ASIC2: variants seen among roughly 807,000 people sequenced by gnomAD.
ASIC2 encodes the protein acid sensing ion channel subunit 2.
ASIC2 carries 25 observed loss-of-function variants against 57.3 expected under a neutral mutation model. The ratio of observed to expected loss-of-function variants is 0.44; its 90% CI spans 0.32 to 0.61. The LOEUF is 0.61. Among genes scored for constraint, ASIC2 ranks in the 20% least tolerant of loss-of-function variants. The pLI is 0.06. For missense variants in ASIC2, 641 were observed against 738.1 expected, an observed-to-expected ratio of 0.87 and a Z score of 1.52; for synonymous variants, 319 against 307.5, an observed-to-expected ratio of 1.04 and a Z score of -0.39.
chr17:33,499,372 T>C (rs8081842), intron 1 of ASIC2, among the ~76,000 whole-genome samples: 29,167 of 152,208 alleles, frequency 0.19, 4,161 homozygotes, highest in African/African-American at 0.41. Context: ...TTTGCAGATG[T>C]AATTAGGTCA....
At chr17:33,517,825 T>A (rs1400594284) in intron 1 of ASIC2, among the ~76,000 whole-genome samples, 1 of 152,040 alleles carries the variant, frequency 6.6e-6, no homozygotes, top group Admixed American at 6.5e-5. Context: ...GTTGTGCACA[T>A]GTACCCTAAA....
chr17:33,731,839 A>G (rs8067181), intron 1 of ASIC2, among the ~76,000 whole-genome samples: 33,412 of 152,098 alleles, frequency 0.22, 5,457 homozygotes, highest in African/African-American at 0.47. Context: ...CCTCAGAGCA[A>G]AGACAGTGTT....
At chr17:33,682,277 G>A (rs1296273510) in intron 1 of ASIC2, among the ~76,000 whole-genome samples, 2 of 151,524 alleles carry the variant, frequency 1.3e-5, no homozygotes, top group Non-Finnish European at 2.9e-5. Flanking sequence ...ATGTTAGCCA[G>A]GATGGTCTCA....
intron 1 of ASIC2, among the ~76,000 whole-genome samples, chr17:33,117,413 G>A (rs1027009439): frequency 6.6e-6 from 1 of 151,436 alleles, no homozygotes; most frequent in Non-Finnish European, 1.5e-5. Flanking sequence ...TGACCTCAAG[G>A]GATCCATCTG....
chr17:33,146,106 G>T lies in ASIC2; in HGVS notation c.709-34039C>A, dbSNP rs369563625. The stretch of plus-strand genomic sequence containing the variant: ...AATATTCTTCAATGGCCCCAGGCAG[G>T]TGCTATATTTCATGACAGAGATGAG... On this transcript the variant is annotated intron_variant, in intron 1 of 9. Coordinates refer to ENST00000225823, the MANE Select transcript of ASIC2 (RefSeq NM_183377.2). Among the ~76,000 whole-genome samples, 5 of 152,338 alleles carry T rather than the reference G, an allele frequency of 3.3e-5. No individual in the cohort carries two copies. In the South Asian group the frequency reaches 1.0e-3, roughly 32 times the overall value.
At chr17:33,924,966 G>A (rs1234190485) in intron 1 of ASIC2, among the ~76,000 whole-genome samples, 7 of 152,198 alleles carry the variant, frequency 4.6e-5, no homozygotes, top group Admixed American at 4.6e-4. Context: ...GCAGTCAGAG[G>A]TCAGAGATCC....
chr17:33,112,088 A>G, intron 1 of ASIC2, 21 bp from the exon 2 acceptor site: 2 of 1,603,548 alleles, frequency 1.2e-6, no homozygotes, highest in Admixed American at 3.4e-5. Context: ...GAAGAGAGAG[A>G]GAGAGAGAAG....
In ASIC2 at chr17:33,908,623, T is replaced by C. The variant is rs536427700; in HGVS notation, c.555+247355A>G. 1.3e-4 allele frequency among the ~76,000 whole-genome samples: 20 copies of C among 152,340 alleles called. No individual in the cohort carries two copies. The South Asian group carries it at 4.1e-3, about 32-fold the overall frequency. ...ATCACTACATCTTTCCAACAGTTTC[T>C]GGCTTAATGAAGTCAGCTTACCTGA... On this transcript the variant is annotated intron_variant, in intron 1 of 9. Coordinates refer to the ASIC2 transcript ENST00000359872.
rs1342103916 is a variant in ASIC2 at position 33,293,021 on chromosome 17, T to A, written c.-906A>T. ...TCTCCAGAAAAGCCCAGCCTTGCTG[T>A]CTCTCGCGTCTTCTCTCTGCCCCCG... On this transcript the variant is annotated 5_prime_UTR_variant, in exon 1 of 10. Coordinates refer to ENST00000225823, the MANE Select transcript of ASIC2 (RefSeq NM_183377.2). 3 of 985,454 alleles carry A rather than the reference T, an allele frequency of 3.0e-6. No homozygotes were observed. The highest frequency in any genetic ancestry group is 3.5e-5 in the African/African-American group (2 of 57,246). The allele number at this position is 985,454 out of a possible 1,614,324, so 61.0% of individuals were successfully genotyped here.
At chr17:33,324,348 C>T (rs1906984576) in intron 1 of ASIC2, among the ~76,000 whole-genome samples, 1 of 152,148 alleles carries the variant, frequency 6.6e-6, no homozygotes, top group South Asian at 2.1e-4. Flanking sequence ...CAACTTGACT[C>T]TCTGCCCCTC....
chr17:33,086,156 A>G (rs2092133143), intron 3 of ASIC2, among the ~76,000 whole-genome samples: 1 of 152,146 alleles, frequency 6.6e-6, no homozygotes, highest in South Asian at 2.1e-4. Flanking sequence ...AATTTCTTCC[A>G]TCTTACTAAT....
chr17:34,109,667 C>T (rs137919572), intron 1 of ASIC2, among the ~76,000 whole-genome samples: 294 of 152,296 alleles, frequency 1.9e-3, no homozygotes, highest in African/African-American at 2.6e-3. Flanking sequence ...AGCTTTTAAA[C>T]GGAGTCTCAC....
At chr17:33,143,090 T>G (rs975413120) in intron 1 of ASIC2, among the ~76,000 whole-genome samples, 1 of 152,228 alleles carries the variant, frequency 6.6e-6, no homozygotes, top group Non-Finnish European at 1.5e-5. Context: ...ACCTGTTGCA[T>G]GTGACTCCAA....
intron 1 of ASIC2, among the ~76,000 whole-genome samples, chr17:33,796,975 C>T (rs1911936877): frequency 6.6e-6 from 1 of 152,084 alleles, no homozygotes; most frequent in Non-Finnish European, 1.5e-5. Context: ...TATGCAAGAA[C>T]CATGCAGTAG....
intron 1 of ASIC2, among the ~76,000 whole-genome samples, chr17:33,899,103 G>A (rs2082578245): frequency 6.6e-6 from 1 of 150,976 alleles, no homozygotes; most frequent in African/African-American, 2.4e-5. Flanking sequence ...ACTCCAGCCT[G>A]GGCGACAGAG....
rs1426672274 is a variant in ASIC2, at chr17:34,005,722, C to G, written c.555+150256G>C. The G allele has an allele frequency of 2.6e-5, 4 of 152,242 alleles. 1 individual carries two copies. Among genetic ancestry groups the G allele is most frequent in the Admixed American group, 6.5e-5 (1 of 15,284 alleles). 9.4% of individuals were successfully genotyped at this position (152,242 alleles called of 1,614,324 possible). A position where few individuals can be genotyped will look rare whatever the true frequency, so the allele number is the denominator to read the frequency against. On this transcript the variant is annotated intron_variant, in intron 1 of 9. Coordinates refer to the ASIC2 transcript ENST00000359872. ...GTAAACCAAAACATTATCTCTGCTG[C>G]AAAGTCTTCCCTGACTACCCACGGT...
At chr17:33,464,701 A>G (rs11653678) in intron 1 of ASIC2, among the ~76,000 whole-genome samples, 4 of 127,694 alleles carry the variant, frequency 3.1e-5, no homozygotes, top group South Asian at 2.5e-4. Flanking sequence ...ATATATATAT[A>G]TATGTATATA....
rs373077574 is a variant in ASIC2, at chr17:33,151,376, G to GA, written c.709-39310dup. 5.0e-3 allele frequency among the ~76,000 whole-genome samples: 711 copies of GA among 141,482 alleles called. 3 individuals carry two copies. Among genetic ancestry groups the GA allele is most frequent in the South Asian group, 0.027 (122 of 4,478 alleles). The allele number at this position is 141,482 out of a possible 152,430, so 92.8% of individuals were successfully genotyped here. A position where few individuals can be genotyped will look rare whatever the true frequency, so the allele number is the denominator to read the frequency against. On this transcript the variant is annotated intron_variant, in intron 1 of 9. Transcript: ENST00000225823. Reference sequence around the variant, plus strand: ...GCGACAGAGAGATACTTTGTCTCAAGAAAAAAAAAAAGGTTAAAAAAAGAG... The same window carrying GA: ...GCGACAGAGAGATACTTTGTCTCAAGAAAAAAAAAAAAGGTTAAAAAAAGAG...
chr17:33,385,409 G>A (rs563798958), intron 1 of ASIC2, among the ~76,000 whole-genome samples: 2 of 152,266 alleles, frequency 1.3e-5, no homozygotes, highest in Non-Finnish European at 2.9e-5. Context: ...CCCACCGTCT[G>A]TCTTCAGGGT....
Sources: allele counts gnomAD v4.1 joint callset (sites outside exome capture counted in the v4.1 genomes callset), GRCh38; gene constraint gnomAD v4.1.1; transcripts MANE v1.5; gene names NCBI Gene and HGNC (gene_info 2026-07-23, HGNC 2026-07-21).